The following SGCZ variants were observed in gnomAD, a reference collection of about 807,000 sequenced individuals.
SGCZ encodes zeta-sarcoglycan.
SGCZ carries 40 observed loss-of-function variants against 41.3 expected under a neutral mutation model. The observed-to-expected ratio is 0.97, with a 90% confidence interval of 0.75 to 1.26. The LOEUF is 1.26. Ranked by LOEUF, SGCZ falls within the 50% of genes most tolerant of loss-of-function variation. SGCZ has a pLI of 0.00. For missense variants in SGCZ, 552 were observed against 369.8 expected (o/e 1.49, Z -4.04); for synonymous variants, 206 against 137.5 (o/e 1.50, Z -3.49).
chr8:14,567,212 G>A (rs1804398211), intron 1 of SGCZ, among the ~76,000 whole-genome samples: 1 of 152,210 alleles, frequency 6.6e-6, no homozygotes, highest in East Asian at 1.9e-4. Context: ...CCCAAGGGCT[G>A]AGGAGTGCAG....
chr8:14,168,259 C>T (rs1804267494), intron 4 of SGCZ, among the ~76,000 whole-genome samples: 2 of 152,134 alleles, frequency 1.3e-5, no homozygotes, highest in South Asian at 4.1e-4. Context: ...TGCTGTGGGC[C>T]AAATCAGTCA....
rs539677833 is a variant in SGCZ at position 15,072,302 on chromosome 8, A to G, written c.39+165283T>C. 3.3e-5 allele frequency among the ~76,000 whole-genome samples: 5 copies of G among 152,262 alleles called. No homozygotes were observed. The South Asian group carries it at 1.0e-3, about 32-fold the overall frequency. On this transcript the variant is annotated intron_variant, in intron 1 of 7. Coordinates refer to ENST00000382080, the MANE Select transcript of SGCZ (RefSeq NM_139167.4). Reference sequence around the variant, plus strand: ...TTGTCAAGGTGGACGTAAGTCTTTAAAAAAACTAAAATTTACAGTTGAAAT... The same window carrying G: ...TTGTCAAGGTGGACGTAAGTCTTTAGAAAAACTAAAATTTACAGTTGAAAT...
rs143324417 is a variant in SGCZ, at chr8:14,777,331, G to A, written c.40-222405C>T. ...GATATCATAAACGAGTAATATTAAC[G>A]ACATTTAATTTGTAAAAGAGAAAGC... is the stretch of plus-strand genomic sequence containing the variant. On this transcript the variant is annotated intron_variant, in intron 1 of 7. Transcript: ENST00000382080. Among the ~76,000 whole-genome samples, 549 of 152,070 alleles carry A rather than the reference G, an allele frequency of 3.6e-3. 4 individuals carry two copies. Among genetic ancestry groups the A allele is most frequent in the Non-Finnish European group, 4.3e-3 (294 of 67,978 alleles).
intron 1 of SGCZ, among the ~76,000 whole-genome samples, chr8:14,747,728 T>C (rs76603508): frequency 0.063 from 9,332 of 149,066 alleles, 678 homozygotes; most frequent in African/African-American, 0.18. Context: ...TGTGTGTGTG[T>C]GTGTGAGACT....
rs997794963 is a variant in SGCZ, at chr8:14,801,598, A to C, written c.40-246672T>G. On this transcript the variant is annotated intron_variant, in intron 1 of 7. Coordinates refer to ENST00000382080, the MANE Select transcript of SGCZ (RefSeq NM_139167.4). ...ATGGCCAAGGTAAGAACGGACAGAG[A>C]TCAGGGAAACACCATATAGAATGGC... Among the ~76,000 whole-genome samples the C allele has an allele frequency of 3.3e-5, 5 of 152,306 alleles. No individual in the cohort carries two copies. The South Asian group carries it at 1.0e-3, about 32-fold the overall frequency.
chr8:14,596,249 T>A (rs1205095226), intron 1 of SGCZ, among the ~76,000 whole-genome samples: 4 of 152,192 alleles, frequency 2.6e-5, no homozygotes, highest in Non-Finnish European at 5.9e-5. Flanking sequence ...GCTTCTCCAA[T>A]TAGGTTATGG....
At chr8:14,236,557 A>G (rs978045549) in intron 4 of SGCZ, among the ~76,000 whole-genome samples, 1 of 151,904 alleles carries the variant, frequency 6.6e-6, no homozygotes, top group Non-Finnish European at 1.5e-5. Context: ...TTGGAAATAT[A>G]CATTTGCATT....
chr8:14,933,101 G>C (rs1799965802), intron 1 of SGCZ, among the ~76,000 whole-genome samples: 1 of 151,948 alleles, frequency 6.6e-6, no homozygotes, highest in Non-Finnish European at 1.5e-5. Flanking sequence ...TTTCAACACA[G>C]TTTTTGACTC....
intron 1 of SGCZ, among the ~76,000 whole-genome samples, chr8:15,022,831 T>A (rs560550215): frequency 4.6e-5 from 7 of 152,336 alleles, no homozygotes; most frequent in African/African-American, 1.7e-4. Flanking sequence ...TCAAATAGTC[T>A]TGTGCAAGAA....
chr8:14,746,658 G>A (rs1048631079), intron 1 of SGCZ, among the ~76,000 whole-genome samples: 2 of 152,088 alleles, frequency 1.3e-5, no homozygotes, highest in Non-Finnish European at 2.9e-5. Flanking sequence ...TACTACACTT[G>A]CCAAAGAAAT....
chr8:14,829,908 T>C (rs1349205654), intron 1 of SGCZ, among the ~76,000 whole-genome samples: 1 of 152,048 alleles, frequency 6.6e-6, no homozygotes, highest in Non-Finnish European at 1.5e-5. Context: ...GCCTCCCGGG[T>C]TCACGCCATT....
chr8:15,213,216 TA>T (rs1300828557), intron 1 of SGCZ, among the ~76,000 whole-genome samples: 4 of 151,994 alleles, frequency 2.6e-5, no homozygotes, highest in Non-Finnish European at 5.9e-5. Context: ...TAGTAGTTCT[TA>T]AGGTTTAAAC....
chr8:14,484,986 T>G (rs1163141296), intron 2 of SGCZ, among the ~76,000 whole-genome samples: 1 of 152,190 alleles, frequency 6.6e-6, no homozygotes, highest in Non-Finnish European at 1.5e-5. Context: ...ATAATACACT[T>G]TTGCTCACAC....
At chr8:14,805,725 C>A (rs561517899) in intron 1 of SGCZ, among the ~76,000 whole-genome samples, 3 of 151,964 alleles carry the variant, frequency 2.0e-5, no homozygotes, top group Non-Finnish European at 2.9e-5. Context: ...CTGTACCAAG[C>A]GGACGTAATA....
chr8:15,227,692 C>A (rs550694451), intron 1 of SGCZ, among the ~76,000 whole-genome samples: 2 of 152,216 alleles, frequency 1.3e-5, no homozygotes, highest in Admixed American at 1.3e-4. Context: ...GTCAATAAGA[C>A]AACGGGAAAA....
At chr8:14,122,544 T>C (rs1409386019) in intron 5 of SGCZ, among the ~76,000 whole-genome samples, 4 of 152,198 alleles carry the variant, frequency 2.6e-5, no homozygotes, top group South Asian at 2.1e-4. Flanking sequence ...TAATAAACTA[T>C]TGTGATTCAA....
chr8:14,458,505 A>T (rs889809923), intron 2 of SGCZ, among the ~76,000 whole-genome samples: 6 of 152,212 alleles, frequency 3.9e-5, no homozygotes, highest in African/African-American at 1.4e-4. Context: ...AATAGTGAGG[A>T]AAGAAATTTT....
At chr8:14,715,974 C>T (rs1416104469) in intron 1 of SGCZ, among the ~76,000 whole-genome samples, 1 of 152,000 alleles carries the variant, frequency 6.6e-6, no homozygotes, top group East Asian at 1.9e-4. Flanking sequence ...AAAAACAATT[C>T]TAAAATTTAT....
intron 1 of SGCZ, among the ~76,000 whole-genome samples, chr8:14,973,459 C>G (rs185669076): frequency 3.2e-4 from 48 of 152,290 alleles, no homozygotes; most frequent in African/African-American, 1.1e-3. Context: ...GTACTGCTCC[C>G]GCTTGCCTAT....
Sources: allele counts gnomAD v4.1 joint callset (sites outside exome capture counted in the v4.1 genomes callset), GRCh38; gene constraint gnomAD v4.1.1; transcripts MANE v1.5; gene names NCBI Gene and HGNC (gene_info 2026-07-23, HGNC 2026-07-21).